The following SPAG16 variants were observed in gnomAD, a reference collection of about 807,000 sequenced individuals.
The protein encoded by SPAG16 is sperm associated antigen 16, also known as sperm-associated antigen 16 protein.
Under a neutral mutation model 80.4 loss-of-function variants are expected in SPAG16, and 86 were observed. That is an observed-to-expected ratio of 1.07 (90% CI 0.90 to 1.28). The LOEUF is 1.28. Ranked by LOEUF, SPAG16 falls within the 50% of genes most tolerant of loss-of-function variation. SPAG16 has a pLI of 0.00. For missense variants in SPAG16, 870 were observed against 765.3 expected, an observed-to-expected ratio of 1.14 and a Z score of -1.61; for synonymous variants, 294 against 265.9, an observed-to-expected ratio of 1.11 and a Z score of -1.03.
chr2:213,804,240 T>A, intron 10 of SPAG16, among the ~76,000 whole-genome samples: 1 of 152,120 alleles, frequency 6.6e-6, no homozygotes, highest in Non-Finnish European at 1.5e-5. Flanking sequence ...AGAAGCCGAA[T>A]GAGTGGAAGG....
At chr2:213,919,028 T>C (rs1390749822) in intron 11 of SPAG16, among the ~76,000 whole-genome samples, 5 of 152,134 alleles carry the variant, frequency 3.3e-5, no homozygotes, top group Non-Finnish European at 7.4e-5. Context: ...TTTATTTGGA[T>C]CTTCTTTCTT....
At chr2:213,621,421 TA>T (rs1342960515) in intron 10 of SPAG16, among the ~76,000 whole-genome samples, 2 of 152,176 alleles carry the variant, frequency 1.3e-5, no homozygotes, top group East Asian at 3.9e-4. Context: ...GCTGTATTAT[TA>T]AAAGAGGCTA....
chr2:213,286,712 A>G (rs2062068820), intron 1 of SPAG16, among the ~76,000 whole-genome samples: 1 of 152,216 alleles, frequency 6.6e-6, no homozygotes, highest in African/African-American at 2.4e-5. Flanking sequence ...TCCCTTATTT[A>G]TCACTCAACA....
At chr2:213,701,941 TG>T (rs1408264146) in intron 10 of SPAG16, among the ~76,000 whole-genome samples, 2 of 151,972 alleles carry the variant, frequency 1.3e-5, no homozygotes, top group South Asian at 2.1e-4. Flanking sequence ...GCTAATCTAG[TG>T]GGGACTTGGA....
At chr2:214,388,640 C>T (rs1036971664) in intron 15 of SPAG16, among the ~76,000 whole-genome samples, 2 of 152,048 alleles carry the variant, frequency 1.3e-5, no homozygotes, top group African/African-American at 2.4e-5. Flanking sequence ...TTTTAGACAC[C>T]TTTATTTTCA....
intron 15 of SPAG16, among the ~76,000 whole-genome samples, chr2:214,291,962 G>C (rs1693837477): frequency 6.6e-6 from 1 of 152,188 alleles, no homozygotes; most frequent in African/African-American, 2.4e-5. Flanking sequence ...ATCAGTGTTT[G>C]CTTGTCTGGG....
At chr2:213,652,521 A>G (rs2063060669) in intron 10 of SPAG16, among the ~76,000 whole-genome samples, 1 of 152,168 alleles carries the variant, frequency 6.6e-6, no homozygotes, top group Admixed American at 6.5e-5. Flanking sequence ...GCAAGGTATA[A>G]GAAATCCAGT....
At chr2:214,105,770 A>C (rs149267414) in intron 13 of SPAG16, among the ~76,000 whole-genome samples, 106 of 152,324 alleles carry the variant, frequency 7.0e-4, no homozygotes, top group African/African-American at 2.5e-3. Flanking sequence ...GCTTTTGATT[A>C]AGGCTGTTTG....
intron 10 of SPAG16, among the ~76,000 whole-genome samples, chr2:213,672,391 A>G (rs890327538): frequency 2.7e-5 from 4 of 146,420 alleles, no homozygotes; most frequent in African/African-American, 5.1e-5. Flanking sequence ...CCCTATTTCT[A>G]TCCTTCCTTT....
chr2:214,108,350 A>T, intron 14 of SPAG16, 89 bp downstream of exon 14: 2 of 1,077,344 alleles, frequency 1.9e-6, no homozygotes, highest in Non-Finnish European at 2.8e-6. Context: ...TAAAATGGTA[A>T]GTTAATGAGG....
chr2:213,752,472 T>C (rs952285564), intron 10 of SPAG16, among the ~76,000 whole-genome samples: 3 of 152,222 alleles, frequency 2.0e-5, no homozygotes, highest in Non-Finnish European at 2.9e-5. Context: ...ACATTTTCTT[T>C]CTCTTGAAAA....
chr2:214,319,696 T>C lies in SPAG16; in HGVS notation c.1721-90444T>C, dbSNP rs1215175743. On this transcript the variant is annotated intron_variant, in intron 15 of 15. Coordinates refer to ENST00000331683, the MANE Select transcript of SPAG16 (RefSeq NM_024532.5). ...CACAATATTTTCTTGAAGAAAAAGA[T>C]GGCATTCTTCTCTTCCTCACATCTC... Among the ~76,000 whole-genome samples the C allele has an allele frequency of 2.6e-5, 4 of 152,250 alleles. No homozygotes were observed. The South Asian group carries it at 6.2e-4, about 24-fold the overall frequency.
At position 213,723,495 on chromosome 2, in the gene SPAG16, G is replaced by C. The variant is rs549392231; in HGVS notation, c.1071-138990G>C. ...CTGAATTACCACAAAGGATCAAATT[G>C]TTGAATTGAATGTAGAAGGACAGAG... is the stretch of plus-strand genomic sequence containing the variant. On this transcript the variant is annotated intron_variant, in intron 10 of 15. Transcript: ENST00000331683. Among the ~76,000 whole-genome samples, 3 of 152,304 alleles carry C rather than the reference G, an allele frequency of 2.0e-5. No homozygotes were observed. The South Asian group carries it at 6.2e-4, about 32-fold the overall frequency.
chr2:213,354,674 A>C (rs1329693502), intron 7 of SPAG16, among the ~76,000 whole-genome samples: 1 of 152,188 alleles, frequency 6.6e-6, no homozygotes, highest in African/African-American at 2.4e-5. Context: ...TGTTGGCTGC[A>C]TAAATGTCTT....
chr2:213,525,290 T>C (rs1023573486), intron 10 of SPAG16, among the ~76,000 whole-genome samples: 95 of 142,294 alleles, frequency 6.7e-4, no homozygotes, highest in African/African-American at 1.5e-3. Flanking sequence ...TTTTCTTTTT[T>C]TTTTTTTTTT....
At chr2:213,525,139 C>A (rs1182645515) in intron 10 of SPAG16, among the ~76,000 whole-genome samples, 1 of 151,986 alleles carries the variant, frequency 6.6e-6, no homozygotes, top group East Asian at 1.9e-4. Context: ...GTATAAGGGG[C>A]TTTTCCTCCT....
chr2:213,613,224 C>T (rs1466861260), intron 10 of SPAG16, among the ~76,000 whole-genome samples: 1 of 152,158 alleles, frequency 6.6e-6, no homozygotes, highest in Non-Finnish European at 1.5e-5. Context: ...CAAATCTATT[C>T]TCAATACAAA....
At chr2:213,465,609 A>G (rs922731496) in intron 9 of SPAG16, among the ~76,000 whole-genome samples, 8 of 152,188 alleles carry the variant, frequency 5.3e-5, no homozygotes, top group Non-Finnish European at 1.2e-4. Flanking sequence ...TGAGGAGGCA[A>G]TTGTTTGTTA....
intron 15 of SPAG16, among the ~76,000 whole-genome samples, chr2:214,362,898 C>T (rs926774711): frequency 3.9e-5 from 6 of 151,910 alleles, no homozygotes. Context: ...CATTCACTCA[C>T]AAATTTGGAG....
Sources: allele counts gnomAD v4.1 joint callset (sites outside exome capture counted in the v4.1 genomes callset), GRCh38; gene constraint gnomAD v4.1.1; transcripts MANE v1.5; gene names NCBI Gene and HGNC (gene_info 2026-07-23, HGNC 2026-07-21).